Variants in TRDN observed in about 807,000 individuals in gnomAD.
TRDN encodes triadin in skeletal muscle.
Under a neutral mutation model 149.7 loss-of-function variants are expected in TRDN, and 161 were observed. That is an observed-to-expected ratio of 1.08 (90% CI 0.95 to 1.23). The LOEUF (loss-of-function observed/expected upper bound fraction) is 1.23. Among genes scored for constraint, TRDN ranks in the 50% most tolerant of loss-of-function variants. The pLI, the probability that TRDN is intolerant of heterozygous loss-of-function variation, is 0.00. For synonymous variants in TRDN, 294 were observed against 250.5 expected (o/e 1.17, Z -1.64); for missense variants, 896 against 823.5 (o/e 1.09, Z -1.08).
chr6:123,240,249 T>C (rs1365730659), intron 38 of TRDN, among the ~76,000 whole-genome samples: 1 of 151,884 alleles, frequency 6.6e-6, no homozygotes, highest in Non-Finnish European at 1.5e-5. Flanking sequence ...AAAGTATTTT[T>C]AAAGAACAAA....
chr6:123,382,093 A>T, intron 15 of TRDN, 25 bp downstream of exon 15: 1 of 1,469,146 alleles, frequency 6.8e-7, no homozygotes, highest in Non-Finnish European at 9.0e-7. Context: ...AACATAAGGC[A>T]GAAAAAAAGA....
At chr6:123,592,636 G>A (rs927944718) in intron 1 of TRDN, among the ~76,000 whole-genome samples, 1 of 152,304 alleles carries the variant, frequency 6.6e-6, no homozygotes, top group African/African-American at 2.4e-5. Context: ...ACTCAAAGCA[G>A]TAATTTCTGT....
At chr6:123,517,799 G>A (rs1461510666) in intron 5 of TRDN, among the ~76,000 whole-genome samples, 1 of 151,818 alleles carries the variant, frequency 6.6e-6, no homozygotes, top group Non-Finnish European at 1.5e-5. Context: ...CTCCTTCTCT[G>A]TAACATTTTC....
intron 14 of TRDN, 77 bp from the exon 15 acceptor site, chr6:123,382,224 T>C (rs563833919): frequency 9.3e-6 from 9 of 965,462 alleles, no homozygotes; most frequent in Non-Finnish European, 1.3e-5. Flanking sequence ...CAAATTTCTA[T>C]AAACAATCAA....
intron 21 of TRDN, among the ~76,000 whole-genome samples, chr6:123,344,542 A>G (rs2114267226): frequency 6.6e-6 from 1 of 152,140 alleles, no homozygotes; most frequent in South Asian, 2.1e-4. Context: ...TTGACTCTTC[A>G]CATTGGCATA....
At chr6:123,281,522 G>A (rs1777583638) in intron 24 of TRDN, among the ~76,000 whole-genome samples, 2 of 151,962 alleles carry the variant, frequency 1.3e-5, no homozygotes, top group Non-Finnish European at 2.9e-5. Flanking sequence ...CCAGTGGTAG[G>A]AAAGGATAAT....
chr6:123,451,619 A>C (rs1775781058), intron 10 of TRDN, among the ~76,000 whole-genome samples: 1 of 152,006 alleles, frequency 6.6e-6, no homozygotes, highest in South Asian at 2.1e-4. Context: ...AAAATTACCA[A>C]CAAAAAAAAG....
Position 123,317,172 on chromosome 6 carries a change from TAA to T in TRDN, c.1472-679_1472-678del, listed in dbSNP as rs201620092. On this transcript the variant is annotated intron_variant, in intron 23 of 40. Transcript: ENST00000334268. ...ATACTCATAGCACAACCCTAATCAA[TAA>T]GATAGTTGACTATATTTTCATGTTT... Among the ~76,000 whole-genome samples the T allele has an allele frequency of 1.6e-4, 24 of 151,958 alleles. No homozygotes were observed. The East Asian group carries it at 4.5e-3, about 28-fold the overall frequency.
At chr6:123,436,871 T>C (rs1774593575) in intron 12 of TRDN, among the ~76,000 whole-genome samples, 1 of 152,084 alleles carries the variant, frequency 6.6e-6, no homozygotes, top group African/African-American at 2.4e-5. Context: ...CCCTAGAAGA[T>C]CTGCATTTTA....
chr6:123,393,297 A>G (rs1375510239), intron 13 of TRDN, among the ~76,000 whole-genome samples: 1 of 152,076 alleles, frequency 6.6e-6, no homozygotes, highest in Non-Finnish European at 1.5e-5. Flanking sequence ...AAAAGTGTAC[A>G]TTATTTTATA....
chr6:123,506,094 A>G (rs1332613606), intron 7 of TRDN, among the ~76,000 whole-genome samples: 1 of 152,144 alleles, frequency 6.6e-6, no homozygotes, highest in African/African-American at 2.4e-5. Flanking sequence ...TCCACACTGG[A>G]ATGTTTATTA....
intron 8 of TRDN, among the ~76,000 whole-genome samples, chr6:123,499,009 C>T (rs1404507087): frequency 6.6e-6 from 1 of 152,054 alleles, no homozygotes; most frequent in African/African-American, 2.4e-5. Context: ...GGATCTGGAC[C>T]CTAGGAATAT....
intron 1 of TRDN, among the ~76,000 whole-genome samples, chr6:123,620,202 G>A (rs1338365559): frequency 2.0e-5 from 3 of 152,058 alleles, no homozygotes; most frequent in Non-Finnish European, 2.9e-5. Context: ...AGTTAACTAG[G>A]GTTGCGGCTT....
chr6:123,240,673 G>A (rs11154148), intron 38 of TRDN, among the ~76,000 whole-genome samples: 60,616 of 151,576 alleles, frequency 0.4, 13,033 homozygotes, highest in Middle Eastern at 0.55. Flanking sequence ...AACTCATTTT[G>A]TAAAGTTAAG....
intron 8 of TRDN, 73 bp downstream of exon 8, chr6:123,503,646 T>C (rs1379355678): frequency 6.3e-7 from 1 of 1,590,566 alleles, no homozygotes; most frequent in Non-Finnish European, 8.6e-7. Flanking sequence ...TTTCAACTTT[T>C]AATTTCACTG....
At chr6:123,605,613 AT>A (rs1486064163) in intron 1 of TRDN, among the ~76,000 whole-genome samples, 10 of 145,384 alleles carry the variant, frequency 6.9e-5, no homozygotes, top group South Asian at 2.3e-4. Flanking sequence ...AAAAAAAAAA[AT>A]ATTAGCCAAG....
chr6:123,557,134 G>A (rs181299891), intron 2 of TRDN, among the ~76,000 whole-genome samples: 58 of 136,078 alleles, frequency 4.3e-4, no homozygotes, highest in Middle Eastern at 3.9e-3. Context: ...TAAAACGGCC[G>A]CACCCCATCT....
chr6:123,609,097 C>T (rs1419577163), intron 1 of TRDN, among the ~76,000 whole-genome samples: 3 of 151,848 alleles, frequency 2.0e-5, no homozygotes, highest in African/African-American at 7.3e-5. Flanking sequence ...CACTTGAACC[C>T]AGGAGGCGGA....
At chr6:123,355,876 T>C (rs551308882) in intron 20 of TRDN, among the ~76,000 whole-genome samples, 1 of 151,908 alleles carries the variant, frequency 6.6e-6, no homozygotes, top group East Asian at 1.9e-4. Flanking sequence ...TTTTATGGAT[T>C]TGATGCTATT....
Sources: allele counts gnomAD v4.1 joint callset (sites outside exome capture counted in the v4.1 genomes callset), GRCh38; gene constraint gnomAD v4.1.1; transcripts MANE v1.5; gene names NCBI Gene and HGNC (gene_info 2026-07-23, HGNC 2026-07-21).